AKT1: variants seen among roughly 807,000 people sequenced by gnomAD.
The protein encoded by AKT1 is AKT serine/threonine kinase 1.
AKT1 carries 21 observed loss-of-function variants against 63.1 expected under a neutral mutation model. That is an observed-to-expected ratio of 0.33 (90% CI 0.24 to 0.48). The LOEUF (loss-of-function observed/expected upper bound fraction) is 0.48, where lower values mean the gene tolerates loss of function less well. Among genes scored for constraint, AKT1 ranks in the 20% least tolerant of loss-of-function variants. The pLI, the probability that AKT1 is intolerant of heterozygous loss-of-function variation, is 0.99. For missense variants in AKT1, 382 were observed against 666.0 expected, an observed-to-expected ratio of 0.57 and a Z score of 4.69; for synonymous variants, 257 against 253.1, an observed-to-expected ratio of 1.02 and a Z score of -0.15.
Position 104,775,704 on chromosome 14 carries a change from T to G in AKT1, c.383A>C (p.Asn128Thr). The change falls in exon 6 of 15, where the codon AAC becomes ACC. Residue 128 changes from asparagine (N) to threonine (T), a missense_variant. Physicochemically the swap from Asn to Thr is moderately conservative, Grantham distance 65 (BLOSUM62 0). Transcript: ENST00000649815. The part of the protein sequence containing the change: ...MDFRSGSPSD[N>T]SGAEEMEVSL... ...CACCTCCATCTCTTCAGCCCCTGAG[T>G]TGTCACTGGGTGAGCCCGACCGGAA... 6.2e-7 allele frequency: 1 copy of G among 1,613,980 alleles called. No individual in the cohort carries two copies. Among genetic ancestry groups the G allele is most frequent in the South Asian group, 1.1e-5 (1 of 91,078 alleles).
At chr14:104,774,088 G>T in intron 8 of AKT1, 108 bp from the exon 9 acceptor site, 2 of 1,039,072 alleles carry the variant, frequency 1.9e-6, no homozygotes, top group Non-Finnish European at 2.9e-6. Flanking sequence ...ATACCACACC[G>T]CCCGTAGCCC....
At chr14:104,785,122 G>A (rs562535418) in intron 3 of AKT1, among the ~76,000 whole-genome samples, 8 of 152,244 alleles carry the variant, frequency 5.3e-5, no homozygotes, top group African/African-American at 1.2e-4. Flanking sequence ...CCATCGCCCC[G>A]ACAGCTGCCG....
Position 104,775,006 on chromosome 14 carries a change from G to A in AKT1, c.568-3C>T, listed in dbSNP as rs754079645. 1 of 1,613,288 alleles carries A rather than the reference G, an allele frequency of 6.2e-7. No individual in the cohort carries two copies. Among genetic ancestry groups the A allele is most frequent in the East Asian group, 2.2e-5 (1 of 44,864 alleles). On this transcript the variant is annotated splice_region_variant and splice_polypyrimidine_tract_variant and intron_variant, in intron 7 of 14. Coordinates refer to ENST00000649815, the MANE Select transcript of AKT1 (RefSeq NM_001382430.1). ...GTGAGTGTGTGGGCCACCTCGTCCT[G>A]TAAAGCAGGGCTGGGTGAGCTGCCA...
intron 4 of AKT1, 81 bp from the exon 5 acceptor site, chr14:104,776,851 C>G (rs1892743754): frequency 1.6e-6 from 2 of 1,221,492 alleles, no homozygotes; most frequent in Non-Finnish European, 2.3e-6. Flanking sequence ...CTGCACCAGC[C>G]AGCTCCCCTT....
intron 3 of AKT1, 47 bp downstream of exon 3, chr14:104,792,551 C>T (rs778353543): frequency 6.2e-6 from 10 of 1,605,136 alleles, no homozygotes; most frequent in East Asian, 2.2e-5. Context: ...GGGGCTACTA[C>T]CCCCATCTCT....
chr14:104,770,423 G>A lies in AKT1; in HGVS notation c.1364-3C>T, dbSNP rs113777945. 3.1e-6 allele frequency: 5 copies of A among 1,606,174 alleles called. No homozygotes were observed. The highest frequency in any genetic ancestry group is 8.5e-7 in the Non-Finnish European group (1 of 1,177,566). ...GTCCACACACTCCATGCTGTCATCT[G>A]TGGGTGTAGACAGCTCAGACCCCGG... On this transcript the variant is annotated splice_polypyrimidine_tract_variant and splice_region_variant and intron_variant, in intron 14 of 14. Transcript: ENST00000649815.
intron 3 of AKT1, among the ~76,000 whole-genome samples, chr14:104,790,785 G>T (rs1003448755): frequency 1.3e-5 from 2 of 152,168 alleles, no homozygotes; most frequent in Non-Finnish European, 1.5e-5. Context: ...GGCTGCTGAG[G>T]CTGGCCGGAC....
In AKT1 at chr14:104,770,401, C is replaced by T. The variant is rs763831402; in HGVS notation, c.1383G>A (p.Val461=). 3 of 1,612,288 alleles carry T rather than the reference C, an allele frequency of 1.9e-6. No individual in the cohort carries two copies. Among genetic ancestry groups the T allele is most frequent in the Non-Finnish European group, 2.5e-6 (3 of 1,179,834 alleles). ...GGAAGTGGGGCCTGCGCTCGCTGTC[C>T]ACACACTCCATGCTGTCATCTGTGG... is the stretch of plus-strand genomic sequence containing the variant. The part of the protein sequence containing the change: ...PPDQDDSMEC[V]DSERRPHFPQ... Residue 461 remains valine, a synonymous_variant, in exon 15 of 15, where the codon GTG becomes GTA. Coordinates refer to ENST00000649815, the MANE Select transcript of AKT1 (RefSeq NM_001382430.1).
At chr14:104,776,604 C>T (rs1595247252) in intron 5 of AKT1, 55 bp downstream of exon 5, 1 of 1,513,130 alleles carries the variant, frequency 6.6e-7, no homozygotes, top group East Asian at 2.3e-5. Context: ...CCCCGTGTCC[C>T]TCCTAAGCGC....
intron 3 of AKT1, among the ~76,000 whole-genome samples, chr14:104,784,954 G>A (rs938579953): frequency 2.0e-5 from 3 of 152,244 alleles, no homozygotes; most frequent in African/African-American, 7.2e-5. Context: ...CAGTTCTCAG[G>A]AAACTGCTGG....
chr14:104,772,700 G>A (rs1236745938), intron 12 of AKT1, among the ~76,000 whole-genome samples, 178 bp downstream of exon 12: 5 of 152,266 alleles, frequency 3.3e-5, no homozygotes, highest in African/African-American at 9.6e-5. Flanking sequence ...AACTGACCCC[G>A]GCCTGCCCGC....
chr14:104,778,794 G>A (rs1376989067), intron 4 of AKT1, among the ~76,000 whole-genome samples: 1 of 152,222 alleles, frequency 6.6e-6, no homozygotes, highest in Non-Finnish European at 1.5e-5. Flanking sequence ...AGGACCGCAG[G>A]CCTCAAAGAA....
rs756416388 is a variant in AKT1, at chr14:104,774,023, C to T, written c.634-43G>A. The T allele has an allele frequency of 3.2e-5, 51 of 1,583,890 alleles. No homozygotes were observed. The East Asian group carries it at 6.2e-4, about 19-fold the overall frequency. On this transcript the variant is annotated intron_variant, in intron 8 of 14. Transcript: ENST00000649815. Reference sequence around the variant, plus strand: ...TGGAACTGCGGCCCCACAGGCAGGACGGCAGCCCCGCACCACGCTGCCCGA... The same window carrying T: ...TGGAACTGCGGCCCCACAGGCAGGATGGCAGCCCCGCACCACGCTGCCCGA...
chr14:104,771,070 A>T, intron 13 of AKT1: 1 of 549,502 alleles, frequency 1.8e-6, no homozygotes, highest in South Asian at 2.4e-5. Context: ...GCTGAGACGC[A>T]AAGCTGCCCT....
At chr14:104,775,610 A>G in intron 6 of AKT1, 42 bp downstream of exon 6, 3 of 1,605,600 alleles carry the variant, frequency 1.9e-6, no homozygotes, top group Non-Finnish European at 2.6e-6. Context: ...TCCACAGTCC[A>G]AGGCAGCCCC....
In AKT1 at chr14:104,772,559, G is replaced by A. The variant is rs1312194708; in HGVS notation, c.1173-107C>T. On this transcript the variant is annotated intron_variant, in intron 12 of 14. Coordinates refer to ENST00000649815, the MANE Select transcript of AKT1 (RefSeq NM_001382430.1). ...AGGGCCCGCCAGACAGGACGTTCCGGGGCCAGGGAGGGGAGCCGGTGGTGC... is the reference window on the plus strand; with the variant it reads ...AGGGCCCGCCAGACAGGACGTTCCGAGGCCAGGGAGGGGAGCCGGTGGTGC... 4 of 1,109,580 alleles carry A rather than the reference G, an allele frequency of 3.6e-6. No homozygotes were observed. The East Asian group carries it at 7.5e-5, about 21-fold the overall frequency. The allele number at this position is 1,109,580 out of a possible 1,614,324, so 68.7% of individuals were successfully genotyped here.
intron 3 of AKT1, among the ~76,000 whole-genome samples, chr14:104,787,572 C>T (rs945496660): frequency 7.2e-5 from 11 of 152,224 alleles, no homozygotes; most frequent in Admixed American, 5.2e-4. Context: ...CAGTTCCCTC[C>T]GCTCAGCCTC....
intron 6 of AKT1, 189 bp downstream of exon 6, chr14:104,775,463 A>T: frequency 9.4e-7 from 1 of 1,069,500 alleles, no homozygotes; most frequent in South Asian, 1.7e-5. Flanking sequence ...CAGCAACCCC[A>T]GTTTTCCTCT....
chr14:104,777,073 G>A lies in AKT1; in HGVS notation c.176-303C>T, dbSNP rs562325583. 1.0e-3 allele frequency: 362 copies of A among 347,808 alleles called. 1 individual carries two copies. Among genetic ancestry groups the A allele is most frequent in the Middle Eastern group, 8.1e-3 (10 of 1,236 alleles). 21.5% of individuals were successfully genotyped at this position (347,808 alleles called of 1,614,324 possible). On this transcript the variant is annotated intron_variant, in intron 4 of 14. Coordinates refer to ENST00000649815, the MANE Select transcript of AKT1 (RefSeq NM_001382430.1). ...CTTCCTTCAGTCTCTGAGCCCCGCC[G>A]TGCGCCAGGCCTCAGAGGATGAGGG...
Sources: allele counts gnomAD v4.1 joint callset (sites outside exome capture counted in the v4.1 genomes callset), GRCh38; gene constraint gnomAD v4.1.1; transcripts MANE v1.5; gene names NCBI Gene and HGNC (gene_info 2026-07-23, HGNC 2026-07-21).